CCDC39: variants seen among roughly 807,000 people sequenced by gnomAD.
CCDC39 encodes coiled-coil domain 39 molecular ruler complex subunit.
In CCDC39, 113 loss-of-function variants were observed where a neutral mutation model predicts 121.0. The observed-to-expected ratio is 0.93, with a 90% CI of 0.80 to 1.09. CCDC39 has a LOEUF of 1.09. Among genes scored for constraint, CCDC39 ranks in the 50% least tolerant of loss-of-function variants. The pLI, the probability that CCDC39 is intolerant of heterozygous loss-of-function variation, is 0.00. For synonymous variants in CCDC39, 349 were observed against 352.2 expected (o/e 0.99, Z 0.10); for missense variants, 1,063 against 1,074.7 (o/e 0.99, Z 0.15).
At chr3:180,631,740 AAG>A in intron 13 of CCDC39, 148 bp from the exon 14 acceptor site, 1 of 673,758 alleles carries the variant, frequency 1.5e-6, no homozygotes, top group South Asian at 1.9e-5. Flanking sequence ...ATTTAATAAA[AAG>A]ACTATCAGGT....
intron 11 of CCDC39, among the ~76,000 whole-genome samples, chr3:180,646,834 C>A (rs1157899399): frequency 6.6e-6 from 1 of 151,996 alleles, no homozygotes. Flanking sequence ...CCTCACAAGA[C>A]ATCTGTAAGG....
chr3:180,660,685 C>T lies in CCDC39; in HGVS notation c.401G>A (p.Cys134Tyr). 6.2e-7 allele frequency: 1 copy of T among 1,602,254 alleles called. No individual in the cohort carries two copies. Among genetic ancestry groups the T allele is most frequent in the Middle Eastern group, 1.7e-4 (1 of 6,046 alleles). The change falls in exon 4 of 20, where the codon TGT (cysteine) becomes TAT (tyrosine). Residue 134 changes from cysteine to tyrosine, a missense_variant. Coordinates refer to ENST00000476379, the MANE Select transcript of CCDC39 (RefSeq NM_181426.2). The stretch of plus-strand genomic sequence containing the variant: ...TGCTTGCTGGTCCCAGTTCATTTGA[C>T]ATTTCAAACCATCCAATTTTTGAGT... ...KATQKLDGLK[C>Y]QMNWDQQALE...
intron 1 of CCDC39, among the ~76,000 whole-genome samples, chr3:180,672,799 G>A (rs1005688136): frequency 2.6e-5 from 4 of 152,170 alleles, no homozygotes; most frequent in African/African-American, 7.2e-5. Flanking sequence ...TGATTCCTAC[G>A]ATGGATCTGA....
At chr3:180,653,972 T>G (rs1034535416) in intron 7 of CCDC39, among the ~76,000 whole-genome samples, 1 of 151,788 alleles carries the variant, frequency 6.6e-6, no homozygotes, top group African/African-American at 2.4e-5. Flanking sequence ...TTATTGGGTT[T>G]CTTTTCTGAA....
rs1004257583 is a variant in CCDC39 at position 180,648,261 on chromosome 3, T to C, written c.1266A>G (p.Glu422=). The C allele has an allele frequency of 6.2e-7, 1 of 1,613,394 alleles. No homozygotes were observed. Among genetic ancestry groups the C allele is most frequent in the African/African-American group, 1.3e-5 (1 of 74,898 alleles). The change falls in exon 10 of 20, where the codon GAA becomes GAG. Residue 422 remains glutamate (E), a synonymous_variant. Coordinates refer to ENST00000476379, the MANE Select transcript of CCDC39 (RefSeq NM_181426.2). ...TCAGAGAGGAACGAGTTCCTTCAAT[T>C]TCTGATAAAACAGCTTTTTCTTTCA... ...ETMKEKAVLS[E]IEGTRSSLKH...
At chr3:180,658,249 A>AG (rs397751848) in intron 6 of CCDC39, among the ~76,000 whole-genome samples, 2 of 149,228 alleles carry the variant, frequency 1.3e-5, no homozygotes, top group East Asian at 4.1e-4. Flanking sequence ...CAAAAAAAAA[A>AG]GGTAGTATCA....
At chr3:180,645,090 G>C (rs1718040140) in intron 11 of CCDC39, among the ~76,000 whole-genome samples, 1 of 152,050 alleles carries the variant, frequency 6.6e-6, no homozygotes, top group Admixed American at 6.5e-5. Flanking sequence ...TAGTATGATG[G>C]ACTCTTCCTC....
chr3:180,674,524 G>C (rs903361588), intron 1 of CCDC39, among the ~76,000 whole-genome samples: 18 of 152,180 alleles, frequency 1.2e-4, no homozygotes, highest in African/African-American at 4.3e-4. Flanking sequence ...TGTTGAATAG[G>C]AGTGGTGAGA....
chr3:180,644,536 C>T (rs143804778), intron 11 of CCDC39, among the ~76,000 whole-genome samples: 55 of 152,238 alleles, frequency 3.6e-4, no homozygotes, highest in African/African-American at 1.3e-3. Context: ...TAATGAATCA[C>T]AGTCATCCCT....
At chr3:180,644,439 A>T (rs1357731369) in intron 11 of CCDC39, among the ~76,000 whole-genome samples, 182 bp from the exon 12 acceptor site, 1 of 152,156 alleles carries the variant, frequency 6.6e-6, no homozygotes, top group Non-Finnish European at 1.5e-5. Flanking sequence ...AGTCACATAG[A>T]AACATTTTCA....
At position 180,616,684 on chromosome 3, in the gene CCDC39, G is replaced by A. The variant is rs778467466; in HGVS notation, c.2418C>T (p.Leu806=). The change falls in exon 18 of 20, where the codon CTC becomes CTT. Residue 806 remains leucine, a synonymous_variant. Transcript: ENST00000476379. The part of the protein sequence containing the change: ...LERVTKQCAK[L]TKEIRLLKDT... ...CTTTCAAAAGACGGATTTCCTTTGTGAGTTTTGCACACTGTTGGTAAATAA... is the reference window on the plus strand; with the variant it reads ...CTTTCAAAAGACGGATTTCCTTTGTAAGTTTTGCACACTGTTGGTAAATAA... 3 of 1,588,772 alleles carry A rather than the reference G, an allele frequency of 1.9e-6. No homozygotes were observed. Among genetic ancestry groups the A allele is most frequent in the Non-Finnish European group, 2.6e-6 (3 of 1,165,810 alleles).
Position 180,644,242 on chromosome 3 carries a change from TA to T in CCDC39, c.1542del (p.Phe514LeufsTer17). 3 of 1,523,584 alleles carry T rather than the reference TA, an allele frequency of 2.0e-6. No homozygotes were observed. The highest frequency in any genetic ancestry group is 2.6e-5 in the South Asian group (2 of 77,816). The allele number at this position is 1,523,584 out of a possible 1,614,324, so 94.4% of individuals were successfully genotyped here. On this transcript the variant is annotated frameshift_variant, in exon 12 of 20. Coordinates refer to ENST00000476379, the MANE Select transcript of CCDC39 (RefSeq NM_181426.2). LOFTEE classifies it high-confidence loss of function. Reference sequence around the variant, plus strand: ...CTGTTTTTACTATGTGCCTTCTTGATAAAATAAAGATCATTCTGCAAAAAAG... The same window carrying T: ...CTGTTTTTACTATGTGCCTTCTTGATAAATAAAGATCATTCTGCAAAAAAG... ...QIKKLHNDLY[F>X]IKKAHSKNSD...
chr3:180,644,882 G>C (rs1342128773), intron 11 of CCDC39, among the ~76,000 whole-genome samples: 2 of 152,148 alleles, frequency 1.3e-5, no homozygotes, highest in African/African-American at 2.4e-5. Flanking sequence ...TGTGCTAGGA[G>C]ACAGCCATTT....
intron 1 of CCDC39, among the ~76,000 whole-genome samples, chr3:180,670,050 C>T (rs1331259044): frequency 6.6e-6 from 1 of 152,000 alleles, no homozygotes; most frequent in African/African-American, 2.4e-5. Context: ...ATTAACGAAT[C>T]GATCGTTCTT....
rs1026362141 is a variant in CCDC39, at chr3:180,631,375, ATTG to A, written c.1998+91_1998+93del. 3.4e-4 allele frequency: 399 copies of A among 1,188,602 alleles called. 2 individuals carry two copies. The African/African-American group carries it at 5.4e-3, about 16-fold the overall frequency. 73.6% of individuals were successfully genotyped at this position (1,188,602 alleles called of 1,614,324 possible). On this transcript the variant is annotated intron_variant, in intron 14 of 19. Coordinates refer to ENST00000476379, the MANE Select transcript of CCDC39 (RefSeq NM_181426.2). ...GATTTCATGGAGGGAAAGTTGCAAT[ATTG>A]TTGTTTTTTTATTTAAATTCAGAGG...
intron 12 of CCDC39, among the ~76,000 whole-genome samples, 152 bp from the exon 13 acceptor site, chr3:180,642,353 G>GTT (rs367561135): frequency 4.8e-5 from 7 of 145,480 alleles, no homozygotes; most frequent in African/African-American, 1.8e-4. Context: ...ATTGATCATA[G>GTT]TTTTTTTTTT....
In CCDC39 at chr3:180,659,715, T is replaced by G. The variant is rs1488097810; in HGVS notation, c.571A>C (p.Ile191Leu). Residue 191 changes from isoleucine (I) to leucine (L), a missense_variant, in exon 5 of 20, where the codon ATA becomes CTA. By Grantham distance (5) the Ile-to-Leu change is conservative (BLOSUM62 2). Coordinates refer to ENST00000476379, the MANE Select transcript of CCDC39 (RefSeq NM_181426.2). ...GTCTCTGTAAGTTCGTTGTCAAGTA[T>G]CTTTCTTTTCTGATTACATTCCAAA... ...LTLECNQKRK[I>L]LDNELTETIS... 1 of 1,612,614 alleles carries G rather than the reference T, an allele frequency of 6.2e-7. No homozygotes were observed. Among genetic ancestry groups the G allele is most frequent in the African/African-American group, 1.3e-5 (1 of 74,908 alleles).
intron 7 of CCDC39, among the ~76,000 whole-genome samples, chr3:180,654,497 A>G (rs1576947110): frequency 6.6e-6 from 1 of 151,932 alleles, no homozygotes; most frequent in East Asian, 1.9e-4. Flanking sequence ...CAACAAAATG[A>G]AAAGGTAACC....
intron 4 of CCDC39, among the ~76,000 whole-genome samples, chr3:180,660,087 G>C (rs958618065): frequency 3.3e-5 from 5 of 151,920 alleles, no homozygotes; most frequent in Non-Finnish European, 5.9e-5. Context: ...CTAGAAAATA[G>C]CATGTTTTAT....
Sources: allele counts gnomAD v4.1 joint callset (sites outside exome capture counted in the v4.1 genomes callset), GRCh38; gene constraint gnomAD v4.1.1; transcripts MANE v1.5; gene names NCBI Gene and HGNC (gene_info 2026-07-23, HGNC 2026-07-21).